CCSER2: variants seen among roughly 807,000 people sequenced by gnomAD.
The protein encoded by CCSER2 is serine-rich coiled-coil domain-containing protein 2.
A neutral mutation model predicts 92.3 loss-of-function variants in CCSER2; 46 were observed. The observed-to-expected ratio is 0.50, with a 90% confidence interval of 0.39 to 0.64. The LOEUF is 0.64. CCSER2 is among the 30% of genes least tolerant of loss of function. The pLI is 0.00. For synonymous variants in CCSER2, 433 were observed against 431.4 expected, an observed-to-expected ratio of 1.00 and a Z score of -0.04; for missense variants, 1,244 against 1,238.9, an observed-to-expected ratio of 1.00 and a Z score of -0.06.
chr10:84,505,931 A>G (rs1170115289), intron 9 of CCSER2, among the ~76,000 whole-genome samples: 1 of 152,050 alleles, frequency 6.6e-6, no homozygotes, highest in African/African-American at 2.4e-5. Flanking sequence ...ACTCTGGATA[A>G]ATATACTGTG....
At chr10:84,383,959 T>G (rs1841053910) in intron 3 of CCSER2, among the ~76,000 whole-genome samples, 1 of 152,094 alleles carries the variant, frequency 6.6e-6, no homozygotes, top group Admixed American at 6.5e-5. Flanking sequence ...TAAAGGTGAT[T>G]TTACAACTGA....
intron 9 of CCSER2, among the ~76,000 whole-genome samples, chr10:84,491,037 G>A (rs566192894): frequency 5.3e-5 from 8 of 152,302 alleles, no homozygotes; most frequent in South Asian, 4.1e-4. Context: ...TATCAGCAGC[G>A]GAGGCTGCAG....
At chr10:84,365,033 C>T (rs533382723) in intron 1 of CCSER2, among the ~76,000 whole-genome samples, 50 of 151,770 alleles carry the variant, frequency 3.3e-4, no homozygotes, top group South Asian at 8.3e-4. Flanking sequence ...TGAGTCACCA[C>T]GCCCGGCCTG....
At chr10:84,341,959 G>T (rs1844213396) in intron 1 of CCSER2, among the ~76,000 whole-genome samples, 1 of 152,164 alleles carries the variant, frequency 6.6e-6, no homozygotes, top group African/African-American at 2.4e-5. Flanking sequence ...CACGTATTCA[G>T]CTCTCTGAAC....
At chr10:84,478,962 T>C (rs1164720095) in intron 9 of CCSER2, among the ~76,000 whole-genome samples, 2 of 152,242 alleles carry the variant, frequency 1.3e-5, no homozygotes, top group African/African-American at 4.8e-5. Flanking sequence ...TGCCCCTTGC[T>C]TCTAGATGGA....
chr10:84,499,491 C>T (rs1848612133), intron 9 of CCSER2, among the ~76,000 whole-genome samples: 1 of 152,096 alleles, frequency 6.6e-6, no homozygotes, highest in Non-Finnish European at 1.5e-5. Context: ...CAAATTGGTG[C>T]ATTTTCTGTG....
intron 6 of CCSER2, among the ~76,000 whole-genome samples, chr10:84,457,898 C>A (rs1228156264): frequency 6.6e-6 from 1 of 150,894 alleles, no homozygotes; most frequent in African/African-American, 2.4e-5. Context: ...AATGCCACCA[C>A]GCCCAGCTAA....
At chr10:84,370,647 A>G (rs965549945) in intron 1 of CCSER2, among the ~76,000 whole-genome samples, 2 of 151,968 alleles carry the variant, frequency 1.3e-5, no homozygotes, top group African/African-American at 2.4e-5. Flanking sequence ...GGCTTTCCAT[A>G]TGTTCTTATT....
intron 3 of CCSER2, among the ~76,000 whole-genome samples, chr10:84,387,363 T>C (rs1841272526): frequency 6.6e-6 from 1 of 152,184 alleles, no homozygotes; most frequent in Non-Finnish European, 1.5e-5. Flanking sequence ...TGTGCTGTGA[T>C]ACTGACTTAG....
At chr10:84,332,596 G>T (rs1048192488) in intron 1 of CCSER2, among the ~76,000 whole-genome samples, 1 of 150,682 alleles carries the variant, frequency 6.6e-6, no homozygotes, top group Admixed American at 6.6e-5. Flanking sequence ...GCGCCACCAC[G>T]CCTGCCTAAT....
chr10:84,347,169 A>C (rs539070023), intron 1 of CCSER2, among the ~76,000 whole-genome samples: 1 of 152,234 alleles, frequency 6.6e-6, no homozygotes, highest in African/African-American at 2.4e-5. Flanking sequence ...GAAGTCTCCC[A>C]TGTCTACTTC....
intron 6 of CCSER2, among the ~76,000 whole-genome samples, chr10:84,441,736 GTTTTTTTTTTTTTTTTTTTTTTTTTTTT>G (rs869280119): frequency 1.1e-4 from 5 of 43,598 alleles, no homozygotes; most frequent in African/African-American, 1.5e-4. Context: ...CTGGGAAAAT[GTTTTTTTTTTTTTTTTTTTTTTTTTTTT>G]TTTTTTTTTT....
Position 84,517,173 on chromosome 10 carries a change from T to G in CCSER2, c.*2906T>G, listed in dbSNP as rs1406406613. Reference sequence around the variant, plus strand: ...GAATTCTAAGTCCTGAGGAAGAAATTTTATGGGGTTTGTTAAGTTTCACAT... The same window carrying G: ...GAATTCTAAGTCCTGAGGAAGAAATGTTATGGGGTTTGTTAAGTTTCACAT... On this transcript the variant is annotated 3_prime_UTR_variant, in exon 10 of 10. Transcript: ENST00000372088. 7 of 152,174 alleles carry G rather than the reference T, an allele frequency of 4.6e-5. No individual in the cohort carries two copies. Among genetic ancestry groups the G allele is most frequent in the Admixed American group, 4.6e-4 (7 of 15,278 alleles). The allele number at this position is 152,174 out of a possible 1,614,324, so 9.4% of individuals were successfully genotyped here.
At chr10:84,422,351 A>G (rs1273651160) in intron 4 of CCSER2, among the ~76,000 whole-genome samples, 1 of 152,202 alleles carries the variant, frequency 6.6e-6, no homozygotes, top group Admixed American at 6.5e-5. Context: ...TAAGGTTGAT[A>G]TTTTAGTGCC....
chr10:84,347,741 G>T (rs1449441346), intron 1 of CCSER2, among the ~76,000 whole-genome samples: 6 of 151,272 alleles, frequency 4.0e-5, no homozygotes, highest in Non-Finnish European at 8.9e-5. Flanking sequence ...CTTCTCAGAC[G>T]GGGCGGCTGC....
intron 1 of CCSER2, among the ~76,000 whole-genome samples, chr10:84,337,145 A>C (rs1033958094): frequency 1.3e-5 from 2 of 152,168 alleles, no homozygotes; most frequent in Non-Finnish European, 2.9e-5. Context: ...GAGATATATA[A>C]ATTTGCAGTT....
intron 3 of CCSER2, among the ~76,000 whole-genome samples, chr10:84,392,771 TG>T (rs1335849607): frequency 6.6e-6 from 1 of 152,110 alleles, no homozygotes; most frequent in African/African-American, 2.4e-5. Flanking sequence ...GTGTGCAGGC[TG>T]GGTGGAATAA....
chr10:84,332,426 A>ATTTTTTTT, intron 1 of CCSER2, among the ~76,000 whole-genome samples: 1 of 77,992 alleles, frequency 1.3e-5, no homozygotes, highest in Non-Finnish European at 2.3e-5. Context: ...ATATATATAT[A>ATTTTTTTT]TATATATATA....
At chr10:84,391,610 T>G (rs1436020561) in intron 3 of CCSER2, 1 of 1,529,596 alleles carries the variant, frequency 6.5e-7, no homozygotes, top group East Asian at 2.3e-5. Context: ...GATGCAGCCT[T>G]ATATTCCTAT....
Sources: allele counts gnomAD v4.1 joint callset (sites outside exome capture counted in the v4.1 genomes callset), GRCh38; gene constraint gnomAD v4.1.1; transcripts MANE v1.5; gene names NCBI Gene and HGNC (gene_info 2026-07-23, HGNC 2026-07-21).